Variants in EMB observed in about 807,000 individuals in gnomAD.
EMB encodes the protein embigin.
In EMB, 31 loss-of-function variants were observed where a neutral mutation model predicts 41.4. The ratio of observed to expected loss-of-function variants is 0.75; its 90% confidence interval spans 0.56 to 1.01. The LOEUF (loss-of-function observed/expected upper bound fraction) is 1.01. Among genes scored for constraint, EMB ranks in the 50% least tolerant of loss-of-function variants. EMB has a pLI of 0.00. For missense variants in EMB, 379 were observed against 388.3 expected, an observed-to-expected ratio of 0.98 and a Z score of 0.20; for synonymous variants, 137 against 140.4, an observed-to-expected ratio of 0.98 and a Z score of 0.17.
chr5:50,402,185 T>A, intron 7 of EMB, 101 bp downstream of exon 7: 2 of 1,243,114 alleles, frequency 1.6e-6, no homozygotes, highest in Non-Finnish European at 1.2e-6. Context: ...CAGAAAATAC[T>A]CCTCTGCCTT....
intron 2 of EMB, among the ~76,000 whole-genome samples, chr5:50,417,461 TTTA>T (rs1745447933): frequency 6.6e-6 from 1 of 152,176 alleles, no homozygotes; most frequent in Non-Finnish European, 1.5e-5. Context: ...ATCATGATGG[TTTA>T]TTAAGTGATC....
rs746183088 is a variant in EMB at position 50,428,181 on chromosome 5, A to C, written c.159T>G (p.Asn53Lys). 3.7e-5 allele frequency: 60 copies of C among 1,612,020 alleles called. No individual in the cohort carries two copies. Among genetic ancestry groups the C allele is most frequent in the Non-Finnish European group, 5.1e-5 (60 of 1,178,426 alleles). ...TGTTATGACTCTCCAAGGAAAAGTTATTTGCCATTATTTCTTCTCTGAGAG... is the reference window on the plus strand; with the variant it reads ...TGTTATGACTCTCCAAGGAAAAGTTCTTTGCCATTATTTCTTCTCTGAGAG... ...SPPLREEIMA[N>K]NFSLESHNIS... is the part of the protein sequence containing the mutation. The change falls in exon 2 of 9, where the codon AAT becomes AAG. Residue 53 changes from asparagine to lysine, a missense_variant. Coordinates refer to ENST00000303221, the MANE Select transcript of EMB (RefSeq NM_198449.3).
At chr5:50,428,116 T>G (rs371339098) in intron 2 of EMB, 28 bp downstream of exon 2, 13 of 1,510,360 alleles carry the variant, frequency 8.6e-6, no homozygotes, top group Non-Finnish European at 9.1e-6. Context: ...TTTTTCGAAT[T>G]GCATTATTTG....
In EMB at chr5:50,424,579, T is replaced by G. The variant is rs187494677; in HGVS notation, c.196+3565A>C. 3.4e-3 allele frequency among the ~76,000 whole-genome samples: 511 copies of G among 152,278 alleles called. 1 individual carries two copies. Among genetic ancestry groups the G allele is most frequent in the Middle Eastern group, 0.014 (4 of 294 alleles). ...TCTTTACTAAATGTTAATCACAAGATTATTAAATCATGTGTATTCCCAAGA... is the reference window on the plus strand; with the variant it reads ...TCTTTACTAAATGTTAATCACAAGAGTATTAAATCATGTGTATTCCCAAGA... On this transcript the variant is annotated intron_variant, in intron 2 of 8. Coordinates refer to ENST00000303221, the MANE Select transcript of EMB (RefSeq NM_198449.3).
intron 1 of EMB, among the ~76,000 whole-genome samples, chr5:50,440,138 A>G (rs1181808607): frequency 6.6e-6 from 1 of 152,182 alleles, no homozygotes; most frequent in African/African-American, 2.4e-5. Context: ...TTTGTTTTCA[A>G]AGACCACGGT....
chr5:50,410,873 TG>T lies in EMB; in HGVS notation c.472+3del. The T allele has an allele frequency of 6.4e-7, 1 of 1,565,048 alleles. No homozygotes were observed. The highest frequency in any genetic ancestry group is 8.7e-7 in the Non-Finnish European group (1 of 1,147,510). On this transcript the variant is annotated splice_donor_region_variant and intron_variant, in intron 4 of 8. Transcript: ENST00000303221. ...TAACTATTCCTCAAGTTATTAATAC[TG>T]ACCTTTGAAATTAAATGTTCCCCTT...
At chr5:50,430,802 A>AG (rs1337664754) in intron 1 of EMB, among the ~76,000 whole-genome samples, 2 of 152,322 alleles carry the variant, frequency 1.3e-5, no homozygotes, top group East Asian at 3.9e-4. Flanking sequence ...AGATAATTCC[A>AG]GGAAGATGAG....
intron 2 of EMB, chr5:50,411,628 T>A: frequency 3.2e-6 from 1 of 314,190 alleles, no homozygotes; most frequent in Middle Eastern, 9.6e-4. Context: ...GATAGTTATC[T>A]CCTTAAGCTC....
intron 1 of EMB, among the ~76,000 whole-genome samples, chr5:50,436,230 A>C (rs969202296): frequency 5.3e-5 from 8 of 152,184 alleles, no homozygotes; most frequent in Admixed American, 2.6e-4. Context: ...TTACACATAT[A>C]CTTGTTTAAA....
intron 3 of EMB, 26 bp from the exon 4 acceptor site, chr5:50,410,991 T>C (rs757848618): frequency 8.4e-5 from 126 of 1,503,986 alleles, no homozygotes; most frequent in Non-Finnish European, 1.1e-4. Flanking sequence ...GTTATTAATA[T>C]AGGCTTAGTT....
In EMB at chr5:50,438,959, C is replaced by G. The variant is rs1243168295; in HGVS notation, c.112+2081G>C. Among the ~76,000 whole-genome samples the G allele has an allele frequency of 2.6e-5, 4 of 151,340 alleles. No homozygotes were observed. In the East Asian group the frequency reaches 7.7e-4, roughly 29 times the overall value. The stretch of plus-strand genomic sequence containing the variant: ...TCTGCATATCAACTTAACCCTGACG[C>G]CTATGGAATAAGTATTTACCTAACA... On this transcript the variant is annotated intron_variant, in intron 1 of 8. Coordinates refer to ENST00000303221, the MANE Select transcript of EMB (RefSeq NM_198449.3).
At position 50,396,559 on chromosome 5, in the gene EMB, G is replaced by A. The variant is rs1275846661; in HGVS notation, c.*2714C>T. Reference sequence around the variant, plus strand: ...TGAAAGATAATCTGGGGTTAGTCAAGCAGGTAGAAGTGTGAAGAGCACTTT... The same window carrying A: ...TGAAAGATAATCTGGGGTTAGTCAAACAGGTAGAAGTGTGAAGAGCACTTT... On this transcript the variant is annotated 3_prime_UTR_variant, in exon 9 of 9. Transcript: ENST00000303221. The A allele has an allele frequency of 6.6e-6, 1 of 152,130 alleles. No individual in the cohort carries two copies. The highest frequency in any genetic ancestry group is 2.4e-5 in the African/African-American group (1 of 41,444). 9.4% of individuals were successfully genotyped at this position (152,130 alleles called of 1,614,324 possible). A position where few individuals can be genotyped will look rare whatever the true frequency, so the allele number is the denominator to read the frequency against.
rs192166376 is a variant in EMB, at chr5:50,433,656, A to G, written c.113-5429T>C. 1.2e-4 allele frequency among the ~76,000 whole-genome samples: 18 copies of G among 152,338 alleles called. No individual in the cohort carries two copies. The East Asian group carries it at 3.5e-3, about 29-fold the overall frequency. ...GTCTGAAAGCATTTTGCTTGTCACA[A>G]TTGGGGGAAGATTACTACATTTATT... On this transcript the variant is annotated intron_variant, in intron 1 of 8. Transcript: ENST00000303221.
At chr5:50,431,313 G>T (rs1257589233) in intron 1 of EMB, among the ~76,000 whole-genome samples, 1 of 152,166 alleles carries the variant, frequency 6.6e-6, no homozygotes, top group South Asian at 2.1e-4. Flanking sequence ...GTTTAGGCAA[G>T]ATTTTTTTAA....
chr5:50,417,620 T>C (rs1266309453), intron 2 of EMB, among the ~76,000 whole-genome samples: 1 of 152,184 alleles, frequency 6.6e-6, no homozygotes, highest in African/African-American at 2.4e-5. Context: ...TAAACCCAAC[T>C]TGAGTAAAAT....
At chr5:50,425,467 T>C (rs1745594336) in intron 2 of EMB, among the ~76,000 whole-genome samples, 1 of 151,962 alleles carries the variant, frequency 6.6e-6, no homozygotes, top group African/African-American at 2.4e-5. Flanking sequence ...AACACACTGA[T>C]TGAGCAACTA....
At chr5:50,428,586 G>A (rs1745661757) in intron 1 of EMB, 1 of 991,522 alleles carries the variant, frequency 1.0e-6, no homozygotes, top group Non-Finnish European at 1.2e-6. Context: ...AAGATATGAA[G>A]AGGCAGAGAG....
At chr5:50,403,761 A>G (rs1401626201) in intron 5 of EMB, among the ~76,000 whole-genome samples, 2 of 151,946 alleles carry the variant, frequency 1.3e-5, no homozygotes, top group Non-Finnish European at 2.9e-5. Flanking sequence ...AAAAATCCCA[A>G]TCATCTGAGT....
At chr5:50,414,703 T>C (rs1436966853) in intron 2 of EMB, among the ~76,000 whole-genome samples, 6 of 152,132 alleles carry the variant, frequency 3.9e-5, no homozygotes, top group South Asian at 2.1e-4. Context: ...AATTGCAAAA[T>C]TGCTGAATTG....
Sources: allele counts gnomAD v4.1 joint callset (sites outside exome capture counted in the v4.1 genomes callset), GRCh38; gene constraint gnomAD v4.1.1; transcripts MANE v1.5; gene names NCBI Gene and HGNC (gene_info 2026-07-23, HGNC 2026-07-21).